The following CDH13 variants were observed in gnomAD, a reference collection of about 807,000 sequenced individuals.
CDH13 encodes cadherin-13.
CDH13 carries 24 observed loss-of-function variants against 63.8 expected under a neutral mutation model. The ratio of observed to expected loss-of-function variants is 0.38; its 90% CI spans 0.27 to 0.53. The LOEUF is 0.53. Ranked by LOEUF, CDH13 falls within the 20% of genes least tolerant of loss-of-function variation. CDH13 has a pLI of 0.85. For synonymous variants in CDH13, 503 were observed against 355.3 expected (o/e 1.42, Z -4.67); for missense variants, 1,049 against 903.1 (o/e 1.16, Z -2.07).
At chr16:83,591,497 C>T (rs1000672322) in intron 7 of CDH13, among the ~76,000 whole-genome samples, 5 of 152,190 alleles carry the variant, frequency 3.3e-5, no homozygotes, top group African/African-American at 9.7e-5. Flanking sequence ...TAGGGCAGGA[C>T]GAGAAGGCCT....
intron 2 of CDH13, among the ~76,000 whole-genome samples, chr16:82,860,187 G>A (rs376878646): frequency 2.0e-5 from 3 of 151,984 alleles, no homozygotes; most frequent in Non-Finnish European, 4.4e-5. Context: ...TTGGAAATGC[G>A]AAGCGACCCT....
chr16:82,886,023 C>T (rs2040875961), intron 2 of CDH13, among the ~76,000 whole-genome samples: 2 of 151,962 alleles, frequency 1.3e-5, no homozygotes, highest in Non-Finnish European at 2.9e-5. Context: ...AATATAATGT[C>T]TATTAAAATT....
chr16:82,972,165 A>C (rs1160850790), intron 2 of CDH13, among the ~76,000 whole-genome samples: 7 of 152,216 alleles, frequency 4.6e-5, no homozygotes, highest in Non-Finnish European at 5.9e-5. Context: ...GAGCAGGACC[A>C]GGGGTTAAAA....
chr16:83,784,290 A>G (rs903706248), intron 13 of CDH13, among the ~76,000 whole-genome samples: 10 of 152,182 alleles, frequency 6.6e-5, no homozygotes, highest in African/African-American at 2.4e-4. Context: ...AACATTGGAC[A>G]TTCACGTATA....
chr16:83,328,702 G>A (rs968810552), intron 5 of CDH13, among the ~76,000 whole-genome samples: 2 of 152,214 alleles, frequency 1.3e-5, no homozygotes, highest in Non-Finnish European at 2.9e-5. Flanking sequence ...AGCTGATGGA[G>A]TGGATGTGTA....
chr16:83,779,274 G>A (rs1016648525), intron 11 of CDH13, among the ~76,000 whole-genome samples: 1 of 151,716 alleles, frequency 6.6e-6, no homozygotes, highest in Non-Finnish European at 1.5e-5. Context: ...GGGCATGATG[G>A]CAGGTGCCTG....
Position 83,164,669 on chromosome 16 carries a change from G to A in CDH13, c.483+39168G>A, listed in dbSNP as rs189217736. Reference sequence around the variant, plus strand: ...TGGGAGGCGGAGGTTGCAGTGAGCCGAGATTGTGCCATTGCACTCTAGGCT... The same window carrying A: ...TGGGAGGCGGAGGTTGCAGTGAGCCAAGATTGTGCCATTGCACTCTAGGCT... On this transcript the variant is annotated intron_variant, in intron 4 of 13. Transcript: ENST00000567109. Among the ~76,000 whole-genome samples, 401 of 148,666 alleles carry A rather than the reference G, an allele frequency of 2.7e-3. 3 individuals carry two copies. The highest frequency in any genetic ancestry group is 0.021 in the East Asian group (107 of 5,040).
At chr16:83,388,311 A>T (rs1016753916) in intron 6 of CDH13, among the ~76,000 whole-genome samples, 3 of 150,558 alleles carry the variant, frequency 2.0e-5, no homozygotes, top group African/African-American at 2.4e-5. Context: ...AATGTTAGCC[A>T]GGCATGGTGG....
chr16:83,309,124 G>C (rs188761735), intron 5 of CDH13, among the ~76,000 whole-genome samples: 1 of 152,176 alleles, frequency 6.6e-6, no homozygotes, highest in East Asian at 1.9e-4. Context: ...TGACTTTCCT[G>C]TTTCTTCTGC....
intron 10 of CDH13, among the ~76,000 whole-genome samples, chr16:83,696,655 C>A (rs1261333089): frequency 6.6e-6 from 1 of 152,210 alleles, no homozygotes; most frequent in African/African-American, 2.4e-5. Context: ...ACATAGATTA[C>A]CTAGTCACTG....
At chr16:83,010,683 G>A (rs1914060967) in intron 2 of CDH13, among the ~76,000 whole-genome samples, 1 of 152,108 alleles carries the variant, frequency 6.6e-6, no homozygotes, top group Non-Finnish European at 1.5e-5. Context: ...AGTCCCTAAT[G>A]GTTGTTACCC....
chr16:83,182,838 C>T (rs2038390465), intron 4 of CDH13, among the ~76,000 whole-genome samples: 1 of 152,162 alleles, frequency 6.6e-6, no homozygotes, highest in Non-Finnish European at 1.5e-5. Context: ...GGAAAAATGT[C>T]TCTTTACTTT....
chr16:83,624,679 C>T (rs561647357), intron 8 of CDH13, among the ~76,000 whole-genome samples: 28 of 152,166 alleles, frequency 1.8e-4, no homozygotes, highest in Non-Finnish European at 1.0e-4. Context: ...AGTACAGGTC[C>T]GCAGCCCCAG....
chr16:83,245,274 A>C lies in CDH13; in HGVS notation c.636+27777A>C, dbSNP rs140943041. 1.4e-4 allele frequency among the ~76,000 whole-genome samples: 22 copies of C among 152,354 alleles called. No individual in the cohort carries two copies. The East Asian group carries it at 1.5e-3, about 11-fold the overall frequency. On this transcript the variant is annotated intron_variant, in intron 5 of 13. Transcript: ENST00000567109. Reference sequence around the variant, plus strand: ...TTAGAAGATTTTTGCTTTGTAGGGAACAACCACAAGAAGTTCTCGTGGGGA... The same window carrying C: ...TTAGAAGATTTTTGCTTTGTAGGGACCAACCACAAGAAGTTCTCGTGGGGA...
chr16:82,826,349 A>G (rs1000182547), intron 1 of CDH13: 11 of 152,160 alleles, frequency 7.2e-5, no homozygotes, highest in African/African-American at 2.4e-4. Context: ...TTGAAATTCT[A>G]ATTTTTATAA....
chr16:83,596,857 TAATGTTCATTACAGAAA>T (rs1388724736), intron 7 of CDH13, among the ~76,000 whole-genome samples: 17 of 152,208 alleles, frequency 1.1e-4, no homozygotes, highest in African/African-American at 4.1e-4. Context: ...GTGAAAGCAA[TAATGTTCATTACAGAAA>T]AATCCCCAAA....
chr16:83,111,279 A>G (rs2035044892), intron 3 of CDH13, among the ~76,000 whole-genome samples: 1 of 152,208 alleles, frequency 6.6e-6, no homozygotes, highest in South Asian at 2.1e-4. Context: ...CTATTGATAT[A>G]ATATCATTGG....
chr16:82,952,577 A>G (rs577472935), intron 2 of CDH13, among the ~76,000 whole-genome samples: 1 of 152,372 alleles, frequency 6.6e-6, no homozygotes, highest in East Asian at 1.9e-4. Context: ...CTTGAATATA[A>G]TAACAGTAGC....
At chr16:83,781,070 C>T (rs1915487354) in intron 12 of CDH13, among the ~76,000 whole-genome samples, 1 of 152,108 alleles carries the variant, frequency 6.6e-6, no homozygotes, top group Non-Finnish European at 1.5e-5. Flanking sequence ...CCTTGGCCAC[C>T]ATTGACTTTG....
Sources: gnomAD v4.1 joint callset for allele counts (sites outside exome capture counted in the v4.1 genomes callset) on GRCh38, gnomAD v4.1.1 for gene constraint, MANE v1.5 for transcripts, NCBI Gene and HGNC (gene_info 2026-07-23, HGNC 2026-07-21) for gene names.